Variants in PTPN23 observed in about 807,000 individuals in gnomAD.
The protein encoded by PTPN23 is protein tyrosine phosphatase non-receptor type 23.
In PTPN23, 72 loss-of-function variants were observed where a neutral mutation model predicts 156.3. That is an observed-to-expected ratio of 0.46 (90% confidence interval 0.38 to 0.56). The LOEUF (loss-of-function observed/expected upper bound fraction) is 0.56. PTPN23 is among the 20% of genes least tolerant of loss of function. PTPN23 has a pLI of 0.00. For missense variants in PTPN23, 1,974 were observed against 2,171.5 expected, an observed-to-expected ratio of 0.91 and a Z score of 1.81; for synonymous variants, 957 against 899.6, an observed-to-expected ratio of 1.06 and a Z score of -1.14.
intron 2 of PTPN23, among the ~76,000 whole-genome samples, chr3:47,396,531 T>C (rs1454398384): frequency 6.6e-6 from 1 of 152,190 alleles, no homozygotes; most frequent in Admixed American, 6.5e-5. Flanking sequence ...GCTGAGATCA[T>C]GCCACTGCAC....
At chr3:47,395,045 C>T (rs546278298) in intron 1 of PTPN23, among the ~76,000 whole-genome samples, 113 of 152,304 alleles carry the variant, frequency 7.4e-4, no homozygotes, top group Non-Finnish European at 1.4e-3. Flanking sequence ...GCTCAGCTGT[C>T]GCCTCCCTGC....
Position 47,411,878 on chromosome 3 carries a change from C to T in PTPN23, c.3984C>T (p.Thr1328=). Residue 1328 remains threonine, a synonymous_variant, in exon 21 of 25, where the codon ACC becomes ACT. Coordinates refer to ENST00000265562, the MANE Select transcript of PTPN23 (RefSeq NM_015466.4). The surrounding 1 kb of genome is among the most constrained non-coding windows in gnomAD (Gnocchi z 6.3). ...LALSSVRSTE[T]HVERVLSLQF... ...TGAGCAGCGTCCGCAGCACCGAAACCCATGTGGAGCGCGTGCTGAGCCTGC... is the reference window on the plus strand; with the variant it reads ...TGAGCAGCGTCCGCAGCACCGAAACTCATGTGGAGCGCGTGCTGAGCCTGC... 1 of 1,613,368 alleles carries T rather than the reference C, an allele frequency of 6.2e-7. No individual in the cohort carries two copies. Among genetic ancestry groups the T allele is most frequent in the Admixed American group, 1.7e-5 (1 of 60,010 alleles).
intron 1 of PTPN23, among the ~76,000 whole-genome samples, chr3:47,392,492 C>T (rs1185852021): frequency 6.6e-6 from 1 of 152,064 alleles, no homozygotes; most frequent in Non-Finnish European, 1.5e-5. Context: ...CAACCCAAGG[C>T]CACTTTTTGT....
chr3:47,386,057 C>T (rs1704646162), intron 1 of PTPN23, among the ~76,000 whole-genome samples: 1 of 152,202 alleles, frequency 6.6e-6, no homozygotes. Context: ...CTCAGCCACC[C>T]AGCAAGTGTT....
chr3:47,384,943 G>A (rs1704623902), intron 1 of PTPN23, among the ~76,000 whole-genome samples: 1 of 152,080 alleles, frequency 6.6e-6, no homozygotes, highest in Non-Finnish European at 1.5e-5. Context: ...TGTATTTTTA[G>A]TAGAGACGGG....
intron 1 of PTPN23, among the ~76,000 whole-genome samples, chr3:47,382,321 AC>A: frequency 7.1e-6 from 1 of 140,046 alleles, no homozygotes; most frequent in African/African-American, 2.8e-5. Context: ...TCTTTTTCCT[AC>A]CTTTTTTTTT....
chr3:47,411,033 A>G lies in PTPN23; in HGVS notation c.3235A>G (p.Thr1079Ala). Residue 1079 changes from threonine to alanine, a missense_variant, in exon 20 of 25, where the codon ACC (threonine) becomes GCC (alanine). Coordinates refer to ENST00000265562, the MANE Select transcript of PTPN23 (RefSeq NM_015466.4). This position sits in a 1 kb window ranked among gnomAD's most constrained non-coding sequence, Gnocchi z 6.3. Reference protein sequence around the residue: ...IRGPSSAGQSTPSPHLVPSPA... With the variant: ...IRGPSSAGQSAPSPHLVPSPA... ...AGGGCCCTCGTCTGCTGGCCAGTCC[A>G]CCCCTAGTCCCCACCTGGTGCCTTC... The G allele has an allele frequency of 6.3e-7, 1 of 1,585,032 alleles. No homozygotes were observed. Among genetic ancestry groups the G allele is most frequent in the Non-Finnish European group, 8.6e-7 (1 of 1,167,150 alleles).
chr3:47,407,691 C>T lies in PTPN23; in HGVS notation c.1004-6C>T, dbSNP rs1242466069. 3 of 1,612,388 alleles carry T rather than the reference C, an allele frequency of 1.9e-6. No individual in the cohort carries two copies. The highest frequency in any genetic ancestry group is 2.5e-6 in the Non-Finnish European group (3 of 1,178,534). ...GGCCTGATCTCCACAATTCCCACCC[C>T]CCCAGGAGCCCCCTTGGTGAAGCCC... On this transcript the variant is annotated splice_region_variant and splice_polypyrimidine_tract_variant and intron_variant, in intron 12 of 24. Coordinates refer to ENST00000265562, the MANE Select transcript of PTPN23 (RefSeq NM_015466.4). This position sits in a 1 kb window ranked among gnomAD's most constrained non-coding sequence, Gnocchi z 4.0.
intron 2 of PTPN23, among the ~76,000 whole-genome samples, chr3:47,401,065 G>A (rs1381584476): frequency 6.6e-6 from 1 of 151,574 alleles, no homozygotes; most frequent in Non-Finnish European, 1.5e-5. Flanking sequence ...ACCATGCCTG[G>A]CTAATTTTTG....
chr3:47,403,304 G>T (rs1343003689), intron 2 of PTPN23, among the ~76,000 whole-genome samples: 1 of 151,914 alleles, frequency 6.6e-6, no homozygotes, highest in Non-Finnish European at 1.5e-5. Context: ...CTCCCGCCTC[G>T]GCCTCCGAAA....
Position 47,394,884 on chromosome 3 carries a change from C to T in PTPN23, c.85-1259C>T, listed in dbSNP as rs117983956. Among the ~76,000 whole-genome samples, 8 of 152,036 alleles carry T rather than the reference C, an allele frequency of 5.3e-5. No individual in the cohort carries two copies. In the East Asian group the frequency reaches 5.8e-4, roughly 11 times the overall value. On this transcript the variant is annotated intron_variant, in intron 1 of 24. Transcript: ENST00000265562. ...ACAATTCTGGCCACTTGGTAAGGGA[C>T]GGATTTGAAGGGGTGGGTTGTCCAG... is the stretch of plus-strand genomic sequence containing the variant.
chr3:47,387,720 TTCTTG>T (rs1471278270), intron 1 of PTPN23, among the ~76,000 whole-genome samples: 1 of 152,246 alleles, frequency 6.6e-6, no homozygotes, highest in African/African-American at 2.4e-5. Flanking sequence ...TTGCCTTTTC[TTCTTG>T]TCTTATTGCT....
Position 47,397,732 on chromosome 3 carries a change from C to T in PTPN23, c.159+1515C>T, listed in dbSNP as rs184351252. 1.7e-4 allele frequency among the ~76,000 whole-genome samples: 26 copies of T among 152,200 alleles called. 1 individual carries two copies. In the East Asian group the frequency reaches 4.9e-3, roughly 28 times the overall value. On this transcript the variant is annotated intron_variant, in intron 2 of 24. Coordinates refer to ENST00000265562, the MANE Select transcript of PTPN23 (RefSeq NM_015466.4). ...TCACCCAGGCTGGAGTGCAATGGCGCGATCTCAGCTCACTGCAACCTCTAC... is the reference window on the plus strand; with the variant it reads ...TCACCCAGGCTGGAGTGCAATGGCGTGATCTCAGCTCACTGCAACCTCTAC...
In PTPN23 at chr3:47,411,108, G is replaced by A. The variant is rs755489344; in HGVS notation, c.3310G>A (p.Ala1104Thr). The A allele has an allele frequency of 1.0e-5, 16 of 1,604,702 alleles. No individual in the cohort carries two copies. The Admixed American group carries it at 1.9e-4, about 19-fold the overall frequency. ...TCCGGTACCCCCTCGCCCCCCAGCA[G>A]CAGAACCACCCCCTTGCCTGCGCCG... ...PGPVPPRPPA[A>T]EPPPCLRRGA... Residue 1104 changes from alanine (A) to threonine (T), a missense_variant, in exon 20 of 25, where the codon GCA becomes ACA. Ala to Thr is a moderately conservative substitution (Grantham distance 58). Transcript: ENST00000265562. This position sits in a 1 kb window ranked among gnomAD's most constrained non-coding sequence, Gnocchi z 6.3.
rs2107716249 is a variant in PTPN23 at position 47,407,015 on chromosome 3, G to A, written c.808-115G>A. ...GCTGCTGTTGGCTGGGGTGGTGCCC[G>A]GCTGCCTCCTGAGCTGCTTGTCATC... On this transcript the variant is annotated intron_variant, in intron 9 of 24. Transcript: ENST00000265562. The surrounding 1 kb of genome is among the most constrained non-coding windows in gnomAD (Gnocchi z 4.0). The A allele has an allele frequency of 5.7e-6, 8 of 1,392,452 alleles. No individual in the cohort carries two copies. Among genetic ancestry groups the A allele is most frequent in the East Asian group, 4.7e-5 (2 of 42,172 alleles). 86.3% of individuals were successfully genotyped at this position (1,392,452 alleles called of 1,614,324 possible).
intron 1 of PTPN23, among the ~76,000 whole-genome samples, chr3:47,391,841 A>G (rs1210676407): frequency 1.3e-5 from 2 of 152,194 alleles, no homozygotes; most frequent in African/African-American, 4.8e-5. Context: ...TCTCTCATAT[A>G]GTCAAGTTTT....
chr3:47,394,225 A>G (rs958675386), intron 1 of PTPN23, among the ~76,000 whole-genome samples: 1 of 152,164 alleles, frequency 6.6e-6, no homozygotes, highest in Non-Finnish European at 1.5e-5. Context: ...TGAGTATACA[A>G]CACATCTGAT....
Position 47,387,309 on chromosome 3 carries a change from G to A in PTPN23, c.84+6129G>A, listed in dbSNP as rs569806600. 1.2e-3 allele frequency among the ~76,000 whole-genome samples: 183 copies of A among 150,064 alleles called. 2 individuals are homozygous for A. Among genetic ancestry groups the A allele is most frequent in the Non-Finnish European group, 2.0e-3 (137 of 67,860 alleles). On this transcript the variant is annotated intron_variant, in intron 1 of 24. Transcript: ENST00000265562. ...TGGTCAGGCACGTTGGCTCATGCCT[G>A]TCATCCCAGCACTTTGGGAGGCCAA...
At chr3:47,384,605 G>C (rs1360830628) in intron 1 of PTPN23, among the ~76,000 whole-genome samples, 3 of 152,114 alleles carry the variant, frequency 2.0e-5, no homozygotes, top group East Asian at 1.9e-4. Flanking sequence ...TTGTTTGAGA[G>C]GGCTGGGCTT....
Sources: gnomAD v4.1 joint callset for allele counts (sites outside exome capture counted in the v4.1 genomes callset) on GRCh38, gnomAD v4.1.1 for gene constraint, Gnocchi (gnomAD v3.1) non-coding constraint, MANE v1.5 for transcripts, NCBI Gene and HGNC (gene_info 2026-07-23, HGNC 2026-07-21) for gene names.